THSD4: variants seen among roughly 807,000 people sequenced by gnomAD.
The protein encoded by THSD4 is thrombospondin type-1 domain-containing protein 4.
A neutral mutation model predicts 119.0 loss-of-function variants in THSD4; 69 were observed. The ratio of observed to expected loss-of-function variants is 0.58; its 90% CI spans 0.48 to 0.71. THSD4 has a LOEUF of 0.71. Among genes scored for constraint, THSD4 ranks in the 30% least tolerant of loss-of-function variants. The pLI is 0.00. For missense variants in THSD4, 1,393 were observed against 1,391.1 expected (o/e 1.00, Z -0.02); for synonymous variants, 524 against 540.4 (o/e 0.97, Z 0.42).
chr15:71,237,805 G>A (rs935362081), intron 4 of THSD4, among the ~76,000 whole-genome samples: 2 of 152,146 alleles, frequency 1.3e-5, no homozygotes, highest in Non-Finnish European at 2.9e-5. Flanking sequence ...ACTGGATGGA[G>A]TGACTTTGCT....
intron 6 of THSD4, among the ~76,000 whole-genome samples, chr15:71,383,716 C>T (rs2046256514): frequency 6.6e-6 from 1 of 152,016 alleles, no homozygotes. Flanking sequence ...ATTCCACCAA[C>T]CATGGATCGA....
At position 71,660,573 on chromosome 15, in the gene THSD4, A is replaced by T. The variant is rs1379886561; in HGVS notation, c.1196A>T (p.Asp399Val). Residue 399 changes from aspartate (D) to valine (V), a missense_variant, in exon 8 of 18, where the codon GAC becomes GTC. By Grantham distance (152) the Asp-to-Val change is radical. Transcript: ENST00000261862. ...DDYLGSDKVV[D>V]KCGVCGGDNT... ...TACTTAGGCTCCGACAAAGTCGTGGACAAATGTGGGGTGTGTGGAGGAGAC... is the reference window on the plus strand; with the variant it reads ...TACTTAGGCTCCGACAAAGTCGTGGTCAAATGTGGGGTGTGTGGAGGAGAC... The T allele has an allele frequency of 6.2e-7, 1 of 1,614,032 alleles. No homozygotes were observed.
intron 4 of THSD4, among the ~76,000 whole-genome samples, chr15:71,218,516 G>T (rs1041630488): frequency 1.3e-4 from 20 of 152,152 alleles, no homozygotes; most frequent in African/African-American, 4.8e-4. Flanking sequence ...ATTGACGGGG[G>T]CCAGTTAAAC....
At chr15:71,745,997 A>G (rs138235906) in intron 12 of THSD4, among the ~76,000 whole-genome samples, 111 of 152,340 alleles carry the variant, frequency 7.3e-4, no homozygotes, top group South Asian at 5.2e-3. Context: ...ACAAGGGGAA[A>G]GGGCCCTAAA....
At chr15:71,133,818 T>C (rs1278762491) in intron 1 of THSD4, among the ~76,000 whole-genome samples, 1 of 152,202 alleles carries the variant, frequency 6.6e-6, no homozygotes, top group Non-Finnish European at 1.5e-5. Flanking sequence ...AAACGTTTTT[T>C]TAGGACTGAA....
intron 7 of THSD4, among the ~76,000 whole-genome samples, chr15:71,436,190 A>G (rs8027920): frequency 0.63 from 96,028 of 151,988 alleles, 30,713 homozygotes; most frequent in Admixed American, 0.72. Context: ...GTCTGTGGAG[A>G]TCAGCTCAGA....
intron 5 of THSD4, among the ~76,000 whole-genome samples, chr15:71,247,857 T>C (rs982563919): frequency 3.9e-5 from 6 of 152,226 alleles, no homozygotes; most frequent in South Asian, 2.1e-4. Flanking sequence ...TGGAAGCTCA[T>C]TGAAGCCCAA....
intron 14 of THSD4, among the ~76,000 whole-genome samples, chr15:71,748,826 A>G (rs2053390978): frequency 6.6e-6 from 1 of 152,218 alleles, no homozygotes; most frequent in Non-Finnish European, 1.5e-5. Context: ...TTAGCACTCC[A>G]TGTGGTCACT....
intron 6 of THSD4, among the ~76,000 whole-genome samples, chr15:71,376,251 GGC>G (rs2046135301): frequency 1.6e-5 from 1 of 61,884 alleles, no homozygotes; most frequent in Admixed American, 1.7e-4. Context: ...ACAAGATGAA[GGC>G]AGTGCTCAGG....
At chr15:71,646,436 C>T (rs551859406) in intron 7 of THSD4, among the ~76,000 whole-genome samples, 55 of 152,194 alleles carry the variant, frequency 3.6e-4, no homozygotes, top group African/African-American at 1.3e-3. Flanking sequence ...TATTTGCTGC[C>T]GTTTCACATT....
rs751030339 is a variant in THSD4 at position 71,728,646 on chromosome 15, G to A, written c.1455G>A (p.Lys485=). ...GCGGAGGGACCATGTTCACCTACAA[G>A]CGTCCAAATGAGATTTCGAGCACTG... ...YEGGGTMFTY[K]RPNEISSTAG... is the part of the protein sequence containing the mutation. The change falls in exon 9 of 18, where the codon AAG becomes AAA. Residue 485 remains lysine (K), a synonymous_variant. Coordinates refer to ENST00000261862, the MANE Select transcript of THSD4 (RefSeq NM_024817.3). The A allele has an allele frequency of 2.5e-6, 4 of 1,614,196 alleles. No individual in the cohort carries two copies. Among genetic ancestry groups the A allele is most frequent in the South Asian group, 1.1e-5 (1 of 91,082 alleles).
chr15:71,732,732 C>T (rs966737481), intron 10 of THSD4: 1 of 152,190 alleles, frequency 6.6e-6, no homozygotes, highest in Admixed American at 6.5e-5. Flanking sequence ...TGATCTCACA[C>T]CTGGGCAGTG....
chr15:71,103,166 C>T (rs1449604443), intron 1 of THSD4, among the ~76,000 whole-genome samples: 1 of 148,424 alleles, frequency 6.7e-6, no homozygotes, highest in Non-Finnish European at 1.5e-5. Context: ...TTTTTTGAAG[C>T]AGGAAATGAA....
chr15:71,320,055 C>G (rs1389379241), intron 6 of THSD4, among the ~76,000 whole-genome samples: 1 of 152,126 alleles, frequency 6.6e-6, no homozygotes, highest in Non-Finnish European at 1.5e-5. Flanking sequence ...TGAAAATATG[C>G]TTGGGGAAAT....
intron 4 of THSD4, among the ~76,000 whole-genome samples, chr15:71,237,456 G>A (rs1026329027): frequency 2.0e-5 from 3 of 152,180 alleles, no homozygotes; most frequent in African/African-American, 7.2e-5. Context: ...CAGTTTTGTG[G>A]AGGAAAGATG....
chr15:71,603,475 T>A (rs908553266), intron 7 of THSD4, among the ~76,000 whole-genome samples: 2 of 152,228 alleles, frequency 1.3e-5, no homozygotes, highest in Non-Finnish European at 2.9e-5. Context: ...GCCTCCTGCA[T>A]CTATCAGAAC....
chr15:71,231,367 C>T (rs543956454), intron 4 of THSD4, among the ~76,000 whole-genome samples: 8 of 152,164 alleles, frequency 5.3e-5, no homozygotes, highest in Admixed American at 1.3e-4. Context: ...GGGAGGCTGA[C>T]GGGTGGGTCA....
chr15:71,545,782 T>G (rs1249445453), intron 7 of THSD4, among the ~76,000 whole-genome samples: 1 of 152,164 alleles, frequency 6.6e-6, no homozygotes, highest in African/African-American at 2.4e-5. Flanking sequence ...CCTTTTTTTC[T>G]CTTACAGCCC....
intron 6 of THSD4, among the ~76,000 whole-genome samples, chr15:71,338,717 C>G (rs532154414): frequency 6.6e-6 from 1 of 152,130 alleles, no homozygotes; most frequent in Non-Finnish European, 1.5e-5. Context: ...GGAAAAGACA[C>G]CCTTAACTGG....
Sources: gnomAD v4.1 joint callset for allele counts (sites outside exome capture counted in the v4.1 genomes callset) on GRCh38, gnomAD v4.1.1 for gene constraint, MANE v1.5 for transcripts, NCBI Gene and HGNC (gene_info 2026-07-23, HGNC 2026-07-21) for gene names.